Variants in RBPMS observed in about 807,000 individuals in gnomAD.
RBPMS encodes RNA-binding protein with multiple splicing.
RBPMS carries 7 observed loss-of-function variants against 26.8 expected under a neutral mutation model. That is an observed-to-expected ratio of 0.26 (90% CI 0.15 to 0.49). RBPMS has a LOEUF of 0.49. RBPMS is among the 20% of genes least tolerant of loss of function. The pLI, the probability that RBPMS is intolerant of heterozygous loss-of-function variation, is 0.98. For missense variants in RBPMS, 186 were observed against 250.0 expected (o/e 0.74, Z 1.73); for synonymous variants, 96 against 93.3 (o/e 1.03, Z -0.17).
rs565934170 is a variant in RBPMS at position 30,509,100 on chromosome 8, T to C, written c.397+4664T>C. ...TATTTTAAAAAAATAATAATTGTTC[T>C]TATTTTCCTCCCCTCTAGGCTTTTA... On this transcript the variant is annotated intron_variant, in intron 5 of 8. Transcript: ENST00000397323. 2.8e-3 allele frequency among the ~76,000 whole-genome samples: 434 copies of C among 152,348 alleles called. 1 individual carries two copies. The highest frequency in any genetic ancestry group is 4.7e-3 in the Non-Finnish European group (321 of 68,030).
chr8:30,461,015 T>C (rs1815821076), intron 1 of RBPMS, among the ~76,000 whole-genome samples: 1 of 149,966 alleles, frequency 6.7e-6, no homozygotes, highest in Non-Finnish European at 1.5e-5. Context: ...ATCACACCAC[T>C]GCATTCCAGC....
chr8:30,432,468 GT>G (rs1812043345), intron 1 of RBPMS, among the ~76,000 whole-genome samples: 1 of 152,228 alleles, frequency 6.6e-6, no homozygotes, highest in South Asian at 2.1e-4. Context: ...CCTTGAGGAT[GT>G]TGGTGCCAAA....
intron 6 of RBPMS, among the ~76,000 whole-genome samples, chr8:30,558,008 G>A (rs1477839157): frequency 6.6e-6 from 1 of 152,186 alleles, no homozygotes; most frequent in African/African-American, 2.4e-5. Flanking sequence ...GGGATTACAG[G>A]CATGCATGCC....
chr8:30,448,808 T>G (rs1248188201), intron 1 of RBPMS, among the ~76,000 whole-genome samples: 1 of 152,226 alleles, frequency 6.6e-6, no homozygotes, highest in African/African-American at 2.4e-5. Context: ...ATTAAATAGT[T>G]CATGTAATAA....
At chr8:30,446,798 TGTG>T (rs1813840516) in intron 1 of RBPMS, 1 of 44,570 alleles carries the variant, frequency 2.2e-5, no homozygotes, top group Non-Finnish European at 4.8e-5. Context: ...ACATGGCTTG[TGTG>T]TGTGTGTGTG....
chr8:30,411,341 T>TGTGTTCCTTAC (rs1450380415), intron 1 of RBPMS, among the ~76,000 whole-genome samples: 3 of 152,016 alleles, frequency 2.0e-5, no homozygotes, highest in Non-Finnish European at 4.4e-5. Context: ...GAGGGTGGTG[T>TGTGTTCCTTAC]GTGTTCCTTA....
intron 5 of RBPMS, among the ~76,000 whole-genome samples, chr8:30,531,881 A>T (rs1214606242): frequency 6.6e-6 from 1 of 152,198 alleles, no homozygotes; most frequent in Non-Finnish European, 1.5e-5. Flanking sequence ...CTTGTTGTAA[A>T]TTGGCAGGTT....
chr8:30,548,102 TAAG>T (rs1423859133), intron 6 of RBPMS, among the ~76,000 whole-genome samples: 2 of 152,248 alleles, frequency 1.3e-5, no homozygotes, highest in Non-Finnish European at 2.9e-5. Flanking sequence ...ATCGGATTGC[TAAG>T]AAGATCATTA....
At position 30,572,093 on chromosome 8, in the gene RBPMS, T is replaced by A. The variant is rs1358082130; in HGVS notation, c.*1568T>A. ...AGGACTTGTGACGGATCCACTTTGG[T>A]GTTCAAGGACCTGCTTATGCCCTCA... On this transcript the variant is annotated 3_prime_UTR_variant, in exon 9 of 9. Transcript: ENST00000397323. The A allele has an allele frequency of 1.3e-5, 2 of 152,216 alleles. No homozygotes were observed. Among genetic ancestry groups the A allele is most frequent in the African/African-American group, 4.8e-5 (2 of 41,434 alleles). The allele number at this position is 152,216 out of a possible 1,614,324, so 9.4% of individuals were successfully genotyped here. A position where few individuals can be genotyped will look rare whatever the true frequency, so the allele number is the denominator to read the frequency against.
At chr8:30,511,969 C>T (rs1381033220) in intron 5 of RBPMS, among the ~76,000 whole-genome samples, 2 of 152,080 alleles carry the variant, frequency 1.3e-5, no homozygotes, top group Non-Finnish European at 2.9e-5. Context: ...AAAACTAAAA[C>T]TAACATAGGA....
At chr8:30,556,565 G>A (rs530329857) in intron 6 of RBPMS, 19 of 986,574 alleles carry the variant, frequency 1.9e-5, no homozygotes, top group African/African-American at 1.6e-4. Flanking sequence ...GGGGCTCAGC[G>A]CCCCAACCCA....
chr8:30,522,297 G>T (rs1823134428), intron 5 of RBPMS, among the ~76,000 whole-genome samples: 1 of 151,164 alleles, frequency 6.6e-6, no homozygotes, highest in East Asian at 1.9e-4. Context: ...AATCCAGCCT[G>T]GGCAACAAGA....
chr8:30,447,905 A>AT (rs1324192749), intron 1 of RBPMS, among the ~76,000 whole-genome samples: 1 of 152,128 alleles, frequency 6.6e-6, no homozygotes, highest in African/African-American at 2.4e-5. Flanking sequence ...TTGTGATTAC[A>AT]TTTTTTTGCT....
chr8:30,498,062 G>A (rs1019305407), intron 4 of RBPMS, among the ~76,000 whole-genome samples: 4 of 150,384 alleles, frequency 2.7e-5, no homozygotes, highest in South Asian at 2.1e-4. Context: ...TACTAGATGG[G>A]ATCGTATATT....
intron 6 of RBPMS, among the ~76,000 whole-genome samples, chr8:30,549,233 C>T (rs567395890): frequency 1.6e-4 from 24 of 152,262 alleles, no homozygotes; most frequent in Non-Finnish European, 2.5e-4. Context: ...GGCAGGAGTC[C>T]GGAGATTCCC....
At chr8:30,431,377 C>CTT (rs1285794476) in intron 1 of RBPMS, among the ~76,000 whole-genome samples, 15 of 149,966 alleles carry the variant, frequency 1.0e-4, no homozygotes, top group African/African-American at 3.7e-4. Flanking sequence ...CTTTCTCTCT[C>CTT]TTTCTTTCTT....
In RBPMS at chr8:30,446,616, C is replaced by T. The variant is rs141994623; in HGVS notation, c.67-28163C>T. Among the ~76,000 whole-genome samples, 42 of 152,110 alleles carry T rather than the reference C, an allele frequency of 2.8e-4. 1 individual carries two copies. The highest frequency in any genetic ancestry group is 9.9e-4 in the African/African-American group (41 of 41,484). On this transcript the variant is annotated intron_variant, in intron 1 of 8. Coordinates refer to ENST00000397323, the MANE Select transcript of RBPMS (RefSeq NM_001008710.3). ...ATTTATTTCTCTCTCATGTAAAAGC[C>T]CGAAAAGTGGTCTATATTTATCAGA...
intron 5 of RBPMS, among the ~76,000 whole-genome samples, chr8:30,529,488 G>A (rs1430091601): frequency 2.0e-5 from 3 of 150,346 alleles, no homozygotes; most frequent in East Asian, 4.1e-4. Flanking sequence ...AGCAACAAGA[G>A]CAAAACTCCA....
intron 4 of RBPMS, among the ~76,000 whole-genome samples, chr8:30,490,711 C>T (rs1196717217): frequency 6.6e-6 from 1 of 152,162 alleles, no homozygotes; most frequent in Non-Finnish European, 1.5e-5. Flanking sequence ...GTGATGCGCC[C>T]ACCTCGGCCT....
Sources: allele counts gnomAD v4.1 joint callset (sites outside exome capture counted in the v4.1 genomes callset), GRCh38; gene constraint gnomAD v4.1.1; transcripts MANE v1.5; gene names NCBI Gene and HGNC (gene_info 2026-07-23, HGNC 2026-07-21).